The following TAF1A variants were observed in gnomAD, a reference collection of about 807,000 sequenced individuals.
TAF1A encodes the protein TATA box-binding protein-associated factor RNA polymerase I subunit A.
TAF1A carries 42 observed loss-of-function variants against 61.6 expected under a neutral mutation model. The observed-to-expected ratio is 0.68, with a 90% CI of 0.53 to 0.88. TAF1A has a LOEUF of 0.88. Ranked by LOEUF, TAF1A falls within the 40% of genes least tolerant of loss-of-function variation. The pLI is 0.00. For synonymous variants in TAF1A, 179 were observed against 177.7 expected, an observed-to-expected ratio of 1.01 and a Z score of -0.06; for missense variants, 424 against 518.7, an observed-to-expected ratio of 0.82 and a Z score of 1.77.
At chr1:222,588,016 C>T (rs549931771) in intron 2 of TAF1A, among the ~76,000 whole-genome samples, 33 of 151,852 alleles carry the variant, frequency 2.2e-4, no homozygotes, top group Admixed American at 1.9e-3. Context: ...CCACTGCACT[C>T]CAGCGTGGGC....
At chr1:222,563,368 A>G (rs1659990682) in intron 8 of TAF1A, 72 bp from the exon 9 acceptor site, 3 of 1,492,366 alleles carry the variant, frequency 2.0e-6, no homozygotes, top group African/African-American at 1.4e-5. Flanking sequence ...ACATGTATAC[A>G]TTTTATCAAC....
At chr1:222,560,937 T>C (rs1659888206) in intron 10 of TAF1A, among the ~76,000 whole-genome samples, 1 of 152,222 alleles carries the variant, frequency 6.6e-6, no homozygotes, top group Non-Finnish European at 1.5e-5. Context: ...GGAGGTATTC[T>C]TTCTCTTAAG....
intron 4 of TAF1A, 132 bp downstream of exon 4, chr1:222,579,627 G>T: frequency 9.0e-7 from 1 of 1,114,170 alleles, no homozygotes; most frequent in Non-Finnish European, 1.3e-6. Flanking sequence ...TTTTCTTTCA[G>T]TTTCTCTTAT....
At chr1:222,558,212 C>T (rs1037651695), downstream of TAF1A, 1 of 152,090 alleles carries the variant, frequency 6.6e-6, no homozygotes, top group African/African-American at 2.4e-5. Flanking sequence ...ATCCTTCTCT[C>T]TTTTCAAAAT....
chr1:222,561,595 A>T (rs182666372), intron 9 of TAF1A, 77 bp from the exon 10 acceptor site: 2 of 1,359,066 alleles, frequency 1.5e-6, no homozygotes, highest in East Asian at 5.1e-5. Flanking sequence ...ACTTAACTAG[A>T]GTCTACAGAA....
chr1:222,562,644 A>G (rs1659961574), intron 9 of TAF1A, among the ~76,000 whole-genome samples: 1 of 152,176 alleles, frequency 6.6e-6, no homozygotes, highest in Non-Finnish European at 1.5e-5. Flanking sequence ...CAGGAAATTC[A>G]TTTTCTTTTA....
chr1:222,562,858 A>C lies in TAF1A; in HGVS notation c.1085+315T>G, dbSNP rs76666591. Among the ~76,000 whole-genome samples, 1,013 of 152,290 alleles carry C rather than the reference A, an allele frequency of 6.7e-3. 18 individuals are homozygous for C. In the East Asian group the frequency reaches 0.067, roughly 10 times the overall value. On this transcript the variant is annotated intron_variant, in intron 9 of 10. Transcript: ENST00000352967. ...TACAAGTTAATGACGCACAAATCAC[A>C]AAGAGTCTTTAGCAAAGAGTGATCC...
downstream of TAF1A, among the ~76,000 whole-genome samples, chr1:222,557,696 C>G (rs1320985110): frequency 6.6e-6 from 1 of 151,740 alleles, no homozygotes; most frequent in Non-Finnish European, 1.5e-5. Flanking sequence ...ACCTCATGAT[C>G]TTAGACTGCT....
intron 10 of TAF1A, among the ~76,000 whole-genome samples, chr1:222,560,519 G>A (rs903421099): frequency 1.3e-5 from 2 of 152,144 alleles, no homozygotes; most frequent in African/African-American, 4.8e-5. Flanking sequence ...TGATAATTGT[G>A]CTAGATGCCG....
chr1:222,577,527 T>C lies in TAF1A; in HGVS notation c.522A>G (p.Ile174Met). The change falls in exon 5 of 11, where the codon ATA becomes ATG. Residue 174 changes from isoleucine (I) to methionine (M), a missense_variant. By Grantham distance (10) the Ile-to-Met change is conservative (BLOSUM62 1). Coordinates refer to ENST00000352967, the MANE Select transcript of TAF1A (RefSeq NM_005681.4). ...TATAGGCCTGAATAAGGTTGATTAA[T>C]ATTTCCCGGGAAGACGTATTTTCAC... is the stretch of plus-strand genomic sequence containing the variant. ...RHGENTSSRE[I>M]LINLIQAYKG... is the part of the protein sequence containing the mutation. 6.2e-7 allele frequency: 1 copy of C among 1,614,066 alleles called. No homozygotes were observed. The highest frequency in any genetic ancestry group is 8.5e-7 in the Non-Finnish European group (1 of 1,179,942).
rs980933241 is a variant in TAF1A, at chr1:222,571,505, C to T, written c.605-840G>A. Among the ~76,000 whole-genome samples, 5 of 152,090 alleles carry T rather than the reference C, an allele frequency of 3.3e-5. No individual in the cohort carries two copies. In the East Asian group the frequency reaches 5.8e-4, roughly 18 times the overall value. ...ATCCTAAGAACCCACTAAAAATTTACTGAACTAATAAATGAGTTCACAAAG... is the reference window on the plus strand; with the variant it reads ...ATCCTAAGAACCCACTAAAAATTTATTGAACTAATAAATGAGTTCACAAAG... On this transcript the variant is annotated intron_variant, in intron 5 of 10. Transcript: ENST00000352967.
Position 222,588,525 on chromosome 1 carries a change from T to C in TAF1A, c.39A>G (p.Thr13=), listed in dbSNP as rs1401161989. The C allele has an allele frequency of 6.2e-7, 1 of 1,614,108 alleles. No individual in the cohort carries two copies. ...CAGATGTTTCCACTTCTTCATCATC[T>C]GTCACAGGCCCTTTTAATTCTTCAC... ...DFSEELKGPV[T]DDEEVETSVL... Residue 13 remains threonine (T), a synonymous_variant, in exon 2 of 11, where the codon ACA becomes ACG. Coordinates refer to ENST00000352967, the MANE Select transcript of TAF1A (RefSeq NM_005681.4).
At chr1:222,578,912 T>C (rs988174868) in intron 4 of TAF1A, among the ~76,000 whole-genome samples, 1 of 152,214 alleles carries the variant, frequency 6.6e-6, no homozygotes, top group African/African-American at 2.4e-5. Flanking sequence ...GAAATGAGGT[T>C]CCCTTTCAGT....
downstream of TAF1A, among the ~76,000 whole-genome samples, chr1:222,555,227 A>C (rs1327487840): frequency 6.6e-6 from 1 of 152,214 alleles, no homozygotes; most frequent in East Asian, 1.9e-4. Flanking sequence ...AGGTTCCCCC[A>C]AAAAATTGAA....
chr1:222,588,755 T>C (rs1661129268), intron 1 of TAF1A, among the ~76,000 whole-genome samples, 190 bp from the exon 2 acceptor site: 1 of 152,190 alleles, frequency 6.6e-6, no homozygotes, highest in Non-Finnish European at 1.5e-5. Context: ...GAATGATCCA[T>C]TAAAGACCGA....
intron 7 of TAF1A, among the ~76,000 whole-genome samples, chr1:222,565,466 TATGAG>T (rs1440912069): frequency 5.3e-5 from 8 of 152,332 alleles, no homozygotes; most frequent in South Asian, 2.1e-4. Context: ...TGAATATAAA[TATGAG>T]ATAAGTATTC....
At chr1:222,586,069 T>C (rs1661003482) in intron 2 of TAF1A, among the ~76,000 whole-genome samples, 1 of 152,156 alleles carries the variant, frequency 6.6e-6, no homozygotes, top group Non-Finnish European at 1.5e-5. Flanking sequence ...GCTAGACTAG[T>C]GTTCTCAGAC....
chr1:222,584,313 A>G lies in TAF1A; in HGVS notation c.122-16T>C. 6.4e-7 allele frequency: 1 copy of G among 1,569,360 alleles called. No homozygotes were observed. The highest frequency in any genetic ancestry group is 8.6e-7 in the Non-Finnish European group (1 of 1,165,514). On this transcript the variant is annotated splice_polypyrimidine_tract_variant and intron_variant, in intron 2 of 10. Coordinates refer to ENST00000352967, the MANE Select transcript of TAF1A (RefSeq NM_005681.4). ...CCTCCAATGGCTATAAAAACGAAAA[A>G]GAAGAGAGTTTTTATCCAAGTGGCT...
rs558256514 is a variant in TAF1A, at chr1:222,569,406, T to C, written c.894+104A>G. 1,002 of 1,603,252 alleles carry C rather than the reference T, an allele frequency of 6.2e-4. 1 individual carries two copies. The highest frequency in any genetic ancestry group is 7.9e-4 in the Non-Finnish European group (933 of 1,176,248). ...GTTTATCTCAGTGTACTGTACATTATTGAAATTTTCTGTAGATGCTATAAA... is the reference window on the plus strand; with the variant it reads ...GTTTATCTCAGTGTACTGTACATTACTGAAATTTTCTGTAGATGCTATAAA... On this transcript the variant is annotated intron_variant, in intron 7 of 10. Coordinates refer to ENST00000352967, the MANE Select transcript of TAF1A (RefSeq NM_005681.4).
Sources: allele counts gnomAD v4.1 joint callset (sites outside exome capture counted in the v4.1 genomes callset), GRCh38; gene constraint gnomAD v4.1.1; transcripts MANE v1.5; gene names NCBI Gene and HGNC (gene_info 2026-07-23, HGNC 2026-07-21).